The following FBN3 variants were observed in gnomAD, a reference collection of about 807,000 sequenced individuals.
FBN3 encodes the protein fibrillin 3.
FBN3 carries 234 observed loss-of-function variants against 330.1 expected under a neutral mutation model. The observed-to-expected ratio is 0.71, with a 90% CI of 0.64 to 0.79. The LOEUF (loss-of-function observed/expected upper bound fraction) is 0.79, where lower values mean the gene tolerates loss of function less well. Ranked by LOEUF, FBN3 falls within the 30% of genes least tolerant of loss-of-function variation. The pLI is 0.00. For missense variants in FBN3, 3,606 were observed against 3,886.9 expected (o/e 0.93, Z 1.92); for synonymous variants, 1,458 against 1,517.3 (o/e 0.96, Z 0.91).
intron 56 of FBN3, 143 bp downstream of exon 56, chr19:8,085,220 G>GAC (rs35473068): frequency 0.04 from 21,863 of 542,510 alleles, 156 homozygotes; most frequent in African/African-American, 0.057. Flanking sequence ...CTAGCACAAA[G>GAC]ACACACACAC....
rs56060033 is a variant in FBN3, at chr19:8,141,194, C to CAA, written c.865+521_865+522dup. ...TGGGCGACAGAGCGAGACTCCGTCTCAAAAAAAAAAAAAAAAAAAAAAATT... is the reference window on the plus strand; with the variant it reads ...TGGGCGACAGAGCGAGACTCCGTCTCAAAAAAAAAAAAAAAAAAAAAAAAATT... On this transcript the variant is annotated intron_variant, in intron 8 of 63. Coordinates refer to ENST00000600128, the MANE Select transcript of FBN3 (RefSeq NM_032447.5). Among the ~76,000 whole-genome samples, 454 of 54,326 alleles carry CAA rather than the reference C, an allele frequency of 8.4e-3. 12 individuals carry two copies. The highest frequency in any genetic ancestry group is 0.029 in the African/African-American group (369 of 12,592). The allele number at this position is 54,326 out of a possible 152,430, so 35.6% of individuals were successfully genotyped here.
At chr19:8,103,518 C>T in intron 39 of FBN3, 44 bp downstream of exon 39, 1 of 1,598,012 alleles carries the variant, frequency 6.3e-7, no homozygotes, top group Non-Finnish European at 8.5e-7. Context: ...TGCCCAGGTG[C>T]TGCTTCTGTG....
At chr19:8,095,808 T>C (rs1189004503) in intron 45 of FBN3, among the ~76,000 whole-genome samples, 156 bp downstream of exon 45, 4 of 152,220 alleles carry the variant, frequency 2.6e-5, no homozygotes, top group Admixed American at 6.5e-5. Context: ...ATTTTCCTTA[T>C]GATTTATTTG....
intron 61 of FBN3, among the ~76,000 whole-genome samples, 174 bp from the exon 62 acceptor site, chr19:8,073,471 C>T (rs936078431): frequency 3.3e-5 from 5 of 152,210 alleles, no homozygotes; most frequent in African/African-American, 1.2e-4. Context: ...AGCCCCGCTG[C>T]CCCAAACCCT....
intron 6 of FBN3, among the ~76,000 whole-genome samples, chr19:8,144,535 T>C (rs1436520000): frequency 6.6e-6 from 1 of 151,912 alleles, no homozygotes; most frequent in Non-Finnish European, 1.5e-5. Flanking sequence ...AGATGGTTTC[T>C]CTGTCCTTCA....
At position 8,088,153 on chromosome 19, in the gene FBN3, G is replaced by A. The variant is rs745847107; in HGVS notation, c.6403C>T (p.Pro2135Ser). 1.9e-6 allele frequency: 3 copies of A among 1,609,144 alleles called. No individual in the cohort carries two copies. Among genetic ancestry groups the A allele is most frequent in the Non-Finnish European group, 1.7e-6 (2 of 1,176,642 alleles). ...TTGGTGCATGTCCCTTGCCCACAGGGGTGGCCGACAGAGCACTCGTCTGTG... is the reference window on the plus strand; with the variant it reads ...TTGGTGCATGTCCCTTGCCCACAGGAGTGGCCGACAGAGCACTCGTCTGTG... ...VDTDECSVGH[P>S]CGQGTCTNVI... Residue 2135 changes from proline to serine, a missense_variant, in exon 52 of 64, where the codon CCC (proline) becomes TCC (serine). Coordinates refer to ENST00000600128, the MANE Select transcript of FBN3 (RefSeq NM_032447.5).
Position 8,085,426 on chromosome 19 carries a change from G to C in FBN3, c.7024C>G (p.Pro2342Ala). 1.3e-6 allele frequency: 2 copies of C among 1,579,128 alleles called. No homozygotes were observed. Among genetic ancestry groups the C allele is most frequent in the Non-Finnish European group, 1.7e-6 (2 of 1,164,522 alleles). ...AGCTTCCTGTAGGCAGAGGTGCCGG[G>C]CAGGGGACAGAGCTCGCAGCGGGGC... ...WGPRCELCPL[P>A]GTSAYRKLCP... The change falls in exon 56 of 64, where the codon CCC becomes GCC. Residue 2342 changes from proline (P) to alanine (A), a missense_variant. Pro to Ala is a conservative substitution (Grantham distance 27, BLOSUM62 -1). Coordinates refer to ENST00000600128, the MANE Select transcript of FBN3 (RefSeq NM_032447.5).
chr19:8,085,450 G>A lies in FBN3; in HGVS notation c.7000C>T (p.Pro2334Ser), dbSNP rs1196347611. 3.8e-6 allele frequency: 6 copies of A among 1,574,186 alleles called. No individual in the cohort carries two copies. Among genetic ancestry groups the A allele is most frequent in the South Asian group, 1.2e-5 (1 of 86,098 alleles). ...GGCAGGGGACAGAGCTCGCAGCGGG[G>A]CCCCCAGCCCCGGCCACCCCCACAG... ...CCCGGGRGWG[P>S]RCELCPLPGT... The change falls in exon 56 of 64, where the codon CCC (proline) becomes TCC (serine). Residue 2334 changes from proline (P) to serine (S), a missense_variant. Coordinates refer to ENST00000600128, the MANE Select transcript of FBN3 (RefSeq NM_032447.5).
At chr19:8,093,795 A>C (rs1220645502) in intron 47 of FBN3, among the ~76,000 whole-genome samples, 1 of 58,898 alleles carries the variant, frequency 1.7e-5, no homozygotes, top group African/African-American at 4.1e-5. Context: ...ACAAAACAAA[A>C]CAACAACAAA....
rs1462944064 is a variant in FBN3 at position 8,121,073 on chromosome 19, GTC to G, written c.3211+183_3211+184del. Among the ~76,000 whole-genome samples the G allele has an allele frequency of 6.6e-6, 1 of 151,924 alleles. No homozygotes were observed. The highest frequency in any genetic ancestry group is 1.9e-4 in the East Asian group (1 of 5,158). On this transcript the variant is annotated intron_variant, in intron 25 of 63. Coordinates refer to ENST00000600128, the MANE Select transcript of FBN3 (RefSeq NM_032447.5). This position sits in a 1 kb window ranked among gnomAD's most constrained non-coding sequence, Gnocchi z 4.5. Reference sequence around the variant, plus strand: ...GCCACCCCCAGGTCTCAGGCCCCAGGTCTCTCTCCTAAGGACGAGGCCTCATG... The same window carrying G: ...GCCACCCCCAGGTCTCAGGCCCCAGGTCTCTCCTAAGGACGAGGCCTCATG...
At chr19:8,128,417 A>G (rs990654561) in intron 18 of FBN3, among the ~76,000 whole-genome samples, 1 of 152,224 alleles carries the variant, frequency 6.6e-6, no homozygotes. Context: ...TACAAAAATT[A>G]TCTGGGCTTG....
intron 63 of FBN3, 96 bp downstream of exon 63, chr19:8,071,952 C>T: frequency 7.7e-7 from 1 of 1,295,614 alleles, no homozygotes; most frequent in Non-Finnish European, 1.1e-6. Context: ...GGTGCTCCTT[C>T]TTGGGGGGGC....
At chr19:8,090,031 G>A (rs2082058598) in intron 49 of FBN3, 68 bp downstream of exon 49, 9 of 1,599,712 alleles carry the variant, frequency 5.6e-6, no homozygotes, top group Non-Finnish European at 7.7e-6. Flanking sequence ...AGGGAAGGAT[G>A]AGAGAAGAAT....
At chr19:8,110,673 C>T (rs540654293) in intron 34 of FBN3, among the ~76,000 whole-genome samples, 172 bp downstream of exon 34, 14 of 152,282 alleles carry the variant, frequency 9.2e-5, no homozygotes, top group African/African-American at 1.9e-4. Context: ...ATTTAGCAGG[C>T]GAACAGGAAC....
rs201346849 is a variant in FBN3 at position 8,102,896 on chromosome 19, G to A, written c.4940-23C>T. The A allele has an allele frequency of 3.3e-5, 53 of 1,613,258 alleles. No homozygotes were observed. In the East Asian group the frequency reaches 9.4e-4, roughly 29 times the overall value. ...TATCTGTAGTTGGCACAAAGGAGAAGAATGTGGGTAAGGGTCACCTAAATC... is the reference window on the plus strand; with the variant it reads ...TATCTGTAGTTGGCACAAAGGAGAAAAATGTGGGTAAGGGTCACCTAAATC... On this transcript the variant is annotated intron_variant, in intron 39 of 63. Transcript: ENST00000600128.
intron 8 of FBN3, 146 bp from the exon 9 acceptor site, chr19:8,138,710 T>C: frequency 1.2e-6 from 1 of 843,094 alleles, no homozygotes; most frequent in Non-Finnish European, 1.8e-6. Flanking sequence ...ATGGGGATGC[T>C]TGGAGCATCC....
rs748900618 is a variant in FBN3, at chr19:8,118,997, C to T, written c.3237G>A (p.Pro1079=). ...CMDVDECARD[P]LLCRGGTCTN... ...TGCAAGTGCCTCCCCGGCAGAGCAG[C>T]GGGTCCCTTGCACACTCGTCCACGT... The change falls in exon 26 of 64, where the codon CCG becomes CCA. Residue 1079 remains proline, a synonymous_variant. Transcript: ENST00000600128. 30 of 1,608,304 alleles carry T rather than the reference C, an allele frequency of 1.9e-5. No individual in the cohort carries two copies. In the East Asian group the frequency reaches 2.2e-4, roughly 12 times the overall value.
At chr19:8,138,875 C>T (rs1162363794) in intron 8 of FBN3, among the ~76,000 whole-genome samples, 1 of 151,780 alleles carries the variant, frequency 6.6e-6, no homozygotes, top group African/African-American at 2.4e-5. Flanking sequence ...GGCGAAACCT[C>T]ATGTCTACTA....
At position 8,131,158 on chromosome 19, in the gene FBN3, C is replaced by G; in HGVS notation, c.2044+77G>C. 7.0e-7 allele frequency: 1 copy of G among 1,436,764 alleles called. No homozygotes were observed. Among genetic ancestry groups the G allele is most frequent in the Non-Finnish European group, 9.5e-7 (1 of 1,048,036 alleles). The allele number at this position is 1,436,764 out of a possible 1,614,324, so 89.0% of individuals were successfully genotyped here. A position where few individuals can be genotyped will look rare whatever the true frequency, so the allele number is the denominator to read the frequency against. On this transcript the variant is annotated intron_variant, in intron 16 of 63. Coordinates refer to ENST00000600128, the MANE Select transcript of FBN3 (RefSeq NM_032447.5). The surrounding 1 kb of genome is among the most constrained non-coding windows in gnomAD (Gnocchi z 4.5). ...TACGGGAACCCCGGGCCAACTCCTA[C>G]AGCCTCCCACCACAGCTCTCCCCAC...
Sources: gnomAD v4.1 joint callset for allele counts (sites outside exome capture counted in the v4.1 genomes callset) on GRCh38, gnomAD v4.1.1 for gene constraint, Gnocchi (gnomAD v3.1) non-coding constraint, MANE v1.5 for transcripts, NCBI Gene and HGNC (gene_info 2026-07-23, HGNC 2026-07-21) for gene names.